Variants in GABRG3 observed in about 807,000 individuals in gnomAD.
The protein encoded by GABRG3 is gamma-aminobutyric acid type A receptor subunit gamma3.
GABRG3 carries 25 observed loss-of-function variants against 48.8 expected under a neutral mutation model. That is an observed-to-expected ratio of 0.51 (90% CI 0.37 to 0.72). The LOEUF (loss-of-function observed/expected upper bound fraction) is 0.72, where lower values mean the gene tolerates loss of function less well. GABRG3 is among the 30% of genes least tolerant of loss of function. The pLI is 0.00. For missense variants in GABRG3, 394 were observed against 577.9 expected (o/e 0.68, Z 3.26); for synonymous variants, 227 against 217.6 (o/e 1.04, Z -0.38).
intron 3 of GABRG3, among the ~76,000 whole-genome samples, chr15:27,125,364 A>AGG (rs1897801865): frequency 1.3e-5 from 2 of 151,296 alleles, no homozygotes. Flanking sequence ...GGAGGAGGAG[A>AGG]GGGTGGGGAG....
chr15:27,205,900 A>G (rs763542110), intron 3 of GABRG3, among the ~76,000 whole-genome samples: 2 of 151,698 alleles, frequency 1.3e-5, no homozygotes, highest in Non-Finnish European at 2.9e-5. Context: ...GAATTTCTTT[A>G]TGGTTGGTGG....
intron 3 of GABRG3, among the ~76,000 whole-genome samples, chr15:27,122,089 ATAAC>A (rs1897741109): frequency 1.3e-5 from 2 of 152,344 alleles, no homozygotes; most frequent in African/African-American, 4.8e-5. Flanking sequence ...ACATTTTAAA[ATAAC>A]TAAAAGAGTG....
intron 5 of GABRG3, among the ~76,000 whole-genome samples, chr15:27,445,446 T>A (rs1888915239): frequency 6.6e-6 from 1 of 152,250 alleles, no homozygotes; most frequent in African/African-American, 2.4e-5. Context: ...ATGTTGAGCA[T>A]CTTTTTATGT....
chr15:27,388,259 AAAGG>A, intron 5 of GABRG3, among the ~76,000 whole-genome samples: 1 of 46,958 alleles, frequency 2.1e-5, no homozygotes. Flanking sequence ...GGAAGGAAGG[AAAGG>A]AGGGAGGGAG....
intron 3 of GABRG3, among the ~76,000 whole-genome samples, chr15:27,067,339 G>T (rs952213141): frequency 3.9e-5 from 6 of 152,120 alleles, no homozygotes; most frequent in Admixed American, 1.3e-4. Context: ...CATGGACTTT[G>T]CCTCACTCCC....
Position 27,208,916 on chromosome 15 carries a change from CAT to C in GABRG3, c.271-117889_271-117888del, listed in dbSNP as rs564386479. ...ACACTACAGAGCAACCCTGGCCACA[CAT>C]ATAATTTCACATTTGTATACAAAGA... On this transcript the variant is annotated intron_variant, in intron 3 of 9. Transcript: ENST00000615808. 3.3e-3 allele frequency among the ~76,000 whole-genome samples: 496 copies of C among 152,288 alleles called. 2 individuals are homozygous for C. Among genetic ancestry groups the C allele is most frequent in the African/African-American group, 0.011 (462 of 41,564 alleles).
At chr15:27,403,925 A>AC in intron 5 of GABRG3, among the ~76,000 whole-genome samples, 1 of 129,206 alleles carries the variant, frequency 7.7e-6, no homozygotes, top group East Asian at 2.2e-4. Context: ...AAAAAAAAAA[A>AC]AAACAAAAAA....
chr15:27,156,735 A>T (rs573285371), intron 3 of GABRG3, among the ~76,000 whole-genome samples: 17 of 152,314 alleles, frequency 1.1e-4, no homozygotes, highest in South Asian at 8.3e-4. Context: ...TTGGTTGAAG[A>T]TGAATTTGTT....
intron 5 of GABRG3, among the ~76,000 whole-genome samples, chr15:27,476,386 G>T (rs899103760): frequency 2.0e-5 from 3 of 151,904 alleles, no homozygotes; most frequent in African/African-American, 7.3e-5. Context: ...TGTGTGTAAA[G>T]AACTTAAGGA....
intron 3 of GABRG3, among the ~76,000 whole-genome samples, chr15:27,124,599 C>G (rs986184904): frequency 2.0e-5 from 3 of 152,204 alleles, no homozygotes; most frequent in African/African-American, 4.8e-5. Context: ...GATTAATCAT[C>G]ACGGCTTCCT....
chr15:27,408,279 G>A (rs1276419624), intron 5 of GABRG3, among the ~76,000 whole-genome samples: 1 of 152,138 alleles, frequency 6.6e-6, no homozygotes, highest in Non-Finnish European at 1.5e-5. Flanking sequence ...CTGCCCTGGG[G>A]CCTTGGAATC....
intron 5 of GABRG3, among the ~76,000 whole-genome samples, chr15:27,390,599 T>C (rs1198630711): frequency 6.6e-6 from 1 of 152,210 alleles, no homozygotes; most frequent in Admixed American, 6.5e-5. Context: ...TTGTCTGCCC[T>C]CTTGACTCTC....
chr15:27,389,402 C>T (rs1896152223), intron 5 of GABRG3, among the ~76,000 whole-genome samples: 1 of 152,090 alleles, frequency 6.6e-6, no homozygotes, highest in Non-Finnish European at 1.5e-5. Context: ...TTTCCTGCAC[C>T]ACAGGGAACA....
intron 3 of GABRG3, among the ~76,000 whole-genome samples, chr15:27,166,191 A>G (rs925956940): frequency 6.6e-6 from 1 of 152,206 alleles, no homozygotes; most frequent in Non-Finnish European, 1.5e-5. Flanking sequence ...CATATGAGAT[A>G]GTGAACTTTC....
chr15:27,372,307 AAAC>A (rs1184467866), intron 5 of GABRG3, among the ~76,000 whole-genome samples: 59 of 152,360 alleles, frequency 3.9e-4, no homozygotes, highest in African/African-American at 1.2e-3. Context: ...CTAGTTTGAT[AAAC>A]AACTGCACAT....
intron 3 of GABRG3, among the ~76,000 whole-genome samples, chr15:27,306,191 C>T (rs998278432): frequency 2.3e-5 from 3 of 129,528 alleles, no homozygotes; most frequent in African/African-American, 8.6e-5. Context: ...ATAATATAAA[C>T]ATATTTATAA....
intron 3 of GABRG3, among the ~76,000 whole-genome samples, chr15:27,102,507 ACT>A (rs2140365761): frequency 6.6e-6 from 1 of 152,010 alleles, no homozygotes; most frequent in Non-Finnish European, 1.5e-5. Flanking sequence ...CTTGGTGACA[ACT>A]CTGTGCTTTT....
chr15:27,313,262 GTATATATATA>G (rs1169926074), intron 3 of GABRG3, among the ~76,000 whole-genome samples: 509 of 34,516 alleles, frequency 0.015, 8 homozygotes, highest in Middle Eastern at 0.019. Context: ...GTGTGTGTGT[GTATATATATA>G]TATATATATA....
intron 2 of GABRG3, among the ~76,000 whole-genome samples, chr15:27,017,531 C>T (rs1895802995): frequency 6.6e-6 from 1 of 152,172 alleles, no homozygotes; most frequent in Non-Finnish European, 1.5e-5. Context: ...CACTTAAATT[C>T]AGAGAACACA....
Sources: gnomAD v4.1 joint callset for allele counts (sites outside exome capture counted in the v4.1 genomes callset) on GRCh38, gnomAD v4.1.1 for gene constraint, MANE v1.5 for transcripts, NCBI Gene and HGNC (gene_info 2026-07-23, HGNC 2026-07-21) for gene names.